The following STK36 variants were observed in gnomAD, a reference collection of about 807,000 sequenced individuals.
The protein encoded by STK36 is serine/threonine kinase 36.
STK36 carries 116 observed loss-of-function variants against 142.2 expected under a neutral mutation model. The observed-to-expected ratio is 0.82, with a 90% CI of 0.70 to 0.95. The LOEUF is 0.95. Ranked by LOEUF, STK36 falls within the 40% of genes least tolerant of loss-of-function variation. The pLI is 0.00. For missense variants in STK36, 1,422 were observed against 1,617.2 expected (o/e 0.88, Z 2.07); for synonymous variants, 619 against 641.7 (o/e 0.96, Z 0.53).
rs1233970272 is a variant in STK36 at position 218,680,492 on chromosome 2, C to T, written c.1137-111C>T. On this transcript the variant is annotated intron_variant, in intron 9 of 26. Transcript: ENST00000295709. ...AGAAAGAAGTCTCCTCTAGTCAATC[C>T]TATATGGCTTCTTTCTCATTCTTAT... 3 of 865,804 alleles carry T rather than the reference C, an allele frequency of 3.5e-6. No individual in the cohort carries two copies. The African/African-American group carries it at 5.0e-5, about 14-fold the overall frequency. The allele number at this position is 865,804 out of a possible 1,614,324, so 53.6% of individuals were successfully genotyped here. A position where few individuals can be genotyped will look rare whatever the true frequency, so the allele number is the denominator to read the frequency against.
intron 6 of STK36, among the ~76,000 whole-genome samples, chr2:218,676,852 G>T (rs1277280918): frequency 6.6e-6 from 1 of 151,706 alleles, no homozygotes; most frequent in Non-Finnish European, 1.5e-5. Flanking sequence ...GGGTTTCACC[G>T]TGTTAGCCAG....
chr2:218,675,308 C>CTTTTTTTT, intron 4 of STK36, 35 bp from the exon 5 acceptor site: 1 of 1,585,708 alleles, frequency 6.3e-7, no homozygotes, highest in Non-Finnish European at 8.6e-7. Context: ...TGTTTCTAAC[C>CTTTTTTTT]TTTTTTTTCT....
chr2:218,693,226 G>T lies in STK36; in HGVS notation c.2044-14G>T. On this transcript the variant is annotated splice_polypyrimidine_tract_variant and intron_variant, in intron 16 of 26. Coordinates refer to ENST00000295709, the MANE Select transcript of STK36 (RefSeq NM_015690.5). ...CATGTGGATAGGATTGAGCCTTCAG[G>T]TATGTCTCTATAGGTCTGTTGGCAT... 2 of 1,611,884 alleles carry T rather than the reference G, an allele frequency of 1.2e-6. No individual in the cohort carries two copies. The highest frequency in any genetic ancestry group is 1.1e-5 in the South Asian group (1 of 91,020).
chr2:218,692,619 G>GT lies in STK36; in HGVS notation c.1953dup (p.Glu652Ter). On this transcript the variant is annotated frameshift_variant, in exon 16 of 27. Transcript: ENST00000295709. LOFTEE classifies it high-confidence loss of function. ...GTGAGCCAGCCACTGCGAGAGCAGA[G>GT]TGAGGATATACCTGGAGCCATTTCC... The GT allele has an allele frequency of 6.2e-7, 1 of 1,613,682 alleles. No individual in the cohort carries two copies. The highest frequency in any genetic ancestry group is 8.5e-7 in the Non-Finnish European group (1 of 1,180,018).
At chr2:218,682,099 G>A (rs1478257079) in intron 10 of STK36, among the ~76,000 whole-genome samples, 1 of 151,988 alleles carries the variant, frequency 6.6e-6, no homozygotes, top group Non-Finnish European at 1.5e-5. Context: ...AGCTAATTTT[G>A]TATTTTGAGT....
rs34836020 is a variant in STK36 at position 218,695,862 on chromosome 2, C to CTT, written c.2512-646_2512-645dup. 3.5e-3 allele frequency among the ~76,000 whole-genome samples: 351 copies of CTT among 100,014 alleles called. 10 individuals carry two copies. Among genetic ancestry groups the CTT allele is most frequent in the African/African-American group, 9.2e-3 (220 of 23,948 alleles). 65.6% of individuals were successfully genotyped at this position (100,014 alleles called of 152,430 possible). A position where few individuals can be genotyped will look rare whatever the true frequency, so the allele number is the denominator to read the frequency against. On this transcript the variant is annotated intron_variant, in intron 21 of 26. Transcript: ENST00000295709. ...CTGCCATCTTTATATATGTAGAATT[C>CTT]TTTTTTTTTTTTTTTTTTTTGAGAT... is the stretch of plus-strand genomic sequence containing the variant.
At chr2:218,682,662 C>T (rs1393452179) in intron 10 of STK36, among the ~76,000 whole-genome samples, 1 of 151,932 alleles carries the variant, frequency 6.6e-6, no homozygotes, top group East Asian at 1.9e-4. Context: ...GATGTGATCT[C>T]GGCTCACTGT....
Position 218,698,663 on chromosome 2 carries a change from T to A in STK36, c.3119T>A (p.Leu1040Gln), listed in dbSNP as rs1941326838. The change falls in exon 26 of 27, where the codon CTG (leucine) becomes CAG (glutamine). Residue 1040 changes from leucine to glutamine, a missense_variant. By Grantham distance (113) the Leu-to-Gln change is moderately radical. Around this residue, in one of 2 missense-constraint regions of STK36, gnomAD observed 962 missense variants for 1,167.5 expected, o/e 0.82. Coordinates refer to ENST00000295709, the MANE Select transcript of STK36 (RefSeq NM_015690.5). ...CTGCCCATCAGCCTTCTCACACGCC[T>A]GGCCCTCATGGATCCCACCTCTCTC... ...VELPISLLTR[L>Q]ALMDPTSLNQ... 6.2e-7 allele frequency: 1 copy of A among 1,614,208 alleles called. No homozygotes were observed. Among genetic ancestry groups the A allele is most frequent in the African/African-American group, 1.3e-5 (1 of 75,054 alleles).
At chr2:218,684,088 T>C (rs1300748036) in intron 10 of STK36, among the ~76,000 whole-genome samples, 1 of 149,958 alleles carries the variant, frequency 6.7e-6, no homozygotes, top group Admixed American at 6.7e-5. Flanking sequence ...TATGAGCTAA[T>C]GTGCCCAGCC....
chr2:218,672,746 C>A lies in STK36; in HGVS notation c.-84C>A. 1 of 1,398,522 alleles carries A rather than the reference C, an allele frequency of 7.2e-7. No individual in the cohort carries two copies. Among genetic ancestry groups the A allele is most frequent in the Non-Finnish European group, 1.0e-6 (1 of 991,596 alleles). 86.6% of individuals were successfully genotyped at this position (1,398,522 alleles called of 1,614,324 possible). A position where few individuals can be genotyped will look rare whatever the true frequency, so the allele number is the denominator to read the frequency against. On this transcript the variant is annotated 5_prime_UTR_variant, in exon 2 of 27. Transcript: ENST00000295709. ...CTTTCCCGTGCCCCAACTAGGCGTC[C>A]CAGATGTTGTGGAACTGTCCCTGGA... is the stretch of plus-strand genomic sequence containing the variant.
chr2:218,696,047 A>G (rs1440598310), intron 21 of STK36, among the ~76,000 whole-genome samples: 1 of 150,750 alleles, frequency 6.6e-6, no homozygotes, highest in African/African-American at 2.4e-5. Context: ...TATTTTTAGT[A>G]GAGACGGGGT....
In STK36 at chr2:218,699,430, T is replaced by C. The variant is rs1487152329; in HGVS notation, c.3804+82T>C. 29 of 1,531,374 alleles carry C rather than the reference T, an allele frequency of 1.9e-5. 1 individual carries two copies. The highest frequency in any genetic ancestry group is 1.9e-5 in the Non-Finnish European group (22 of 1,143,928). 94.9% of individuals were successfully genotyped at this position (1,531,374 alleles called of 1,614,324 possible). A position where few individuals can be genotyped will look rare whatever the true frequency, so the allele number is the denominator to read the frequency against. On this transcript the variant is annotated intron_variant, in intron 26 of 26. Coordinates refer to ENST00000295709, the MANE Select transcript of STK36 (RefSeq NM_015690.5). ...TTTCTCTGAGATCATCTGTAAGGAA[T>C]TGGAATCGGGACATGGAGAAACTTA...
Position 218,676,061 on chromosome 2 carries a change from T to A in STK36, c.467T>A (p.Val156Glu). 2 of 1,614,170 alleles carry A rather than the reference T, an allele frequency of 1.2e-6. No individual in the cohort carries two copies. The highest frequency in any genetic ancestry group is 2.2e-5 in the South Asian group (2 of 91,068). The change falls in exon 6 of 27, where the codon GTG becomes GAG. Residue 156 changes from valine (V) to glutamate (E), a missense_variant. By Grantham distance (121) the Val-to-Glu change is moderately radical (BLOSUM62 -2). Transcript: ENST00000295709. ...CGGGCTATGAGCACCAATACAATGG[T>A]GCTGACATCCATCAAAGGCACACCA... ...FARAMSTNTMVLTSIKGTPLY... is the reference protein window; with the variant it reads ...FARAMSTNTMELTSIKGTPLY...
At chr2:218,682,260 G>A (rs1940557405) in intron 10 of STK36, among the ~76,000 whole-genome samples, 1 of 152,024 alleles carries the variant, frequency 6.6e-6, no homozygotes, top group Admixed American at 6.6e-5. Flanking sequence ...TTCATCAGTT[G>A]TAAAACTTTT....
chr2:218,684,106 C>CTTTTT (rs35807157), intron 10 of STK36, among the ~76,000 whole-genome samples: 1 of 105,174 alleles, frequency 9.5e-6, no homozygotes, highest in Non-Finnish European at 1.9e-5. Flanking sequence ...GCCTCACGAT[C>CTTTTT]TTTTTTTTTT....
At position 218,697,963 on chromosome 2, in the gene STK36, G is replaced by T; in HGVS notation, c.3019G>T (p.Asp1007Tyr). 6.2e-7 allele frequency: 1 copy of T among 1,614,120 alleles called. No individual in the cohort carries two copies. The highest frequency in any genetic ancestry group is 8.5e-7 in the Non-Finnish European group (1 of 1,180,030). ...DADLLIGVLA[D>Y]LRDSEVAAHL... is the part of the protein sequence containing the mutation. ...TGACCTCCTTATAGGTGTCTTGGCC[G>T]ACCTCAGGGACTCAGAAGTTGCAGC... is the stretch of plus-strand genomic sequence containing the variant. Residue 1007 changes from aspartate (D) to tyrosine (Y), a missense_variant, in exon 25 of 27, where the codon GAC becomes TAC. Physicochemically the swap from Asp to Tyr is radical, Grantham distance 160. Transcript: ENST00000295709.
intron 21 of STK36, among the ~76,000 whole-genome samples, chr2:218,695,648 C>T (rs931044499): frequency 6.7e-6 from 1 of 150,320 alleles, no homozygotes; most frequent in Non-Finnish European, 1.5e-5. Flanking sequence ...ATTCTCCTGC[C>T]TCAGCCTCCC....
chr2:218,679,976 CG>C lies in STK36; in HGVS notation c.1036del (p.Ala346ProfsTer13), dbSNP rs1299102834. Reference sequence around the variant, plus strand: ...CTGGCACAGCCCCTCTGCCCAGACTCGGGGCCACTCCTCAGGAATCAAGCCT... The same window carrying C: ...CTGGCACAGCCCCTCTGCCCAGACTCGGGCCACTCCTCAGGAATCAAGCCT... ...APGTAPLPRLGATPQESSLLA... is the reference protein window; with the variant it reads ...APGTAPLPRLXATPQESSLLA... On this transcript the variant is annotated frameshift_variant, in exon 9 of 27. Transcript: ENST00000295709. LOFTEE classifies it high-confidence loss of function. The C allele has an allele frequency of 6.2e-7, 1 of 1,614,090 alleles. No individual in the cohort carries two copies. The highest frequency in any genetic ancestry group is 1.3e-5 in the African/African-American group (1 of 74,950).
chr2:218,680,015 C>G lies in STK36; in HGVS notation c.1071C>G (p.Ile357Met), dbSNP rs1559332279. 5.0e-6 allele frequency: 8 copies of G among 1,614,082 alleles called. No individual in the cohort carries two copies. Among genetic ancestry groups the G allele is most frequent in the African/African-American group, 2.7e-5 (2 of 74,928 alleles). The change falls in exon 9 of 27, where the codon ATC (isoleucine) becomes ATG (methionine). Residue 357 changes from isoleucine (I) to methionine (M), a missense_variant. Around this residue, in one of 2 missense-constraint regions of STK36, gnomAD observed 962 missense variants for 1,167.5 expected, o/e 0.82. Transcript: ENST00000295709. The part of the protein sequence containing the change: ...TPQESSLLAG[I>M]LASELKSSWA... ...AGGAATCAAGCCTCCTGGCCGGGAT[C>G]TTAGCCTCAGAATTGAAGAGCAGCT...
Sources: gnomAD v4.1 joint callset for allele counts (sites outside exome capture counted in the v4.1 genomes callset) on GRCh38, gnomAD v4.1.1 for gene constraint, gnomAD v4.1.1 regional missense constraint, MANE v1.5 for transcripts, NCBI Gene and HGNC (gene_info 2026-07-23, HGNC 2026-07-21) for gene names.